Variants in EFCAB5 observed in about 807,000 individuals in gnomAD.
EFCAB5 encodes the protein EF-hand calcium-binding domain-containing protein 5.
A neutral mutation model predicts 167.9 loss-of-function variants in EFCAB5; 131 were observed. The observed-to-expected ratio is 0.78, with a 90% CI of 0.68 to 0.90. The LOEUF is 0.90. EFCAB5 is among the 40% of genes least tolerant of loss of function. EFCAB5 has a pLI of 0.00. For synonymous variants in EFCAB5, 574 were observed against 602.8 expected, an observed-to-expected ratio of 0.95 and a Z score of 0.70; for missense variants, 1,663 against 1,745.2, an observed-to-expected ratio of 0.95 and a Z score of 0.84.
intron 3 of EFCAB5, among the ~76,000 whole-genome samples, chr17:29,961,368 G>A (rs899063403): frequency 2.0e-5 from 3 of 152,040 alleles, no homozygotes; most frequent in African/African-American, 4.8e-5. Context: ...TTCCTTATCA[G>A]TTATATGCTT....
At chr17:30,019,595 G>A (rs2069126296) in intron 7 of EFCAB5, among the ~76,000 whole-genome samples, 1 of 151,904 alleles carries the variant, frequency 6.6e-6, no homozygotes, top group African/African-American at 2.4e-5. Flanking sequence ...ACAAGTGCCT[G>A]CCATCACACC....
chr17:29,947,885 G>C (rs1341305219), intron 3 of EFCAB5, among the ~76,000 whole-genome samples: 2 of 152,078 alleles, frequency 1.3e-5, no homozygotes, highest in Admixed American at 1.3e-4. Flanking sequence ...GAGTGCAGTG[G>C]CGCAATCTCA....
At chr17:30,099,240 T>C (rs190924717) in intron 22 of EFCAB5, among the ~76,000 whole-genome samples, 62 of 152,284 alleles carry the variant, frequency 4.1e-4, no homozygotes, top group Non-Finnish European at 5.9e-4. Context: ...ACTTTAAAGA[T>C]TGCTGTTGAC....
At position 29,942,316 on chromosome 17, in the gene EFCAB5, G is replaced by A; in HGVS notation, c.105+14G>A. 1 of 1,563,238 alleles carries A rather than the reference G, an allele frequency of 6.4e-7. No individual in the cohort carries two copies. The highest frequency in any genetic ancestry group is 8.7e-7 in the Non-Finnish European group (1 of 1,154,664). The stretch of plus-strand genomic sequence containing the variant: ...GAGCTTCATGAGGTAGAGTTGGCAT[G>A]AATAAATCAGATATTAATGCTGGAG... On this transcript the variant is annotated intron_variant, in intron 2 of 22. Transcript: ENST00000394835.
chr17:30,051,304 C>A, intron 9 of EFCAB5, 87 bp downstream of exon 9: 1 of 1,071,078 alleles, frequency 9.3e-7, no homozygotes, highest in Non-Finnish European at 1.4e-6. Flanking sequence ...TATGTTAACA[C>A]AAGATTATTC....
intron 4 of EFCAB5, among the ~76,000 whole-genome samples, chr17:29,985,177 C>T (rs2068255226): frequency 6.6e-6 from 1 of 152,164 alleles, no homozygotes; most frequent in Admixed American, 6.5e-5. Flanking sequence ...CACAGTTTTT[C>T]CCCCATTCTC....
chr17:29,989,726 T>C (rs2068370894), intron 4 of EFCAB5, among the ~76,000 whole-genome samples: 1 of 152,208 alleles, frequency 6.6e-6, no homozygotes, highest in South Asian at 2.1e-4. Flanking sequence ...TGGAGCTATG[T>C]GTCCTTTTTC....
At chr17:30,001,456 C>T (rs148223594) in intron 7 of EFCAB5, among the ~76,000 whole-genome samples, 22 of 152,210 alleles carry the variant, frequency 1.4e-4, no homozygotes, top group East Asian at 3.9e-4. Flanking sequence ...CCTAAAAGTA[C>T]GCAAGTTAGA....
chr17:30,093,659 G>C (rs760796446), intron 22 of EFCAB5, among the ~76,000 whole-genome samples: 3 of 152,086 alleles, frequency 2.0e-5, no homozygotes, highest in Non-Finnish European at 4.4e-5. Flanking sequence ...GACCACCAAC[G>C]CTACCCACCA....
chr17:29,934,447 A>G (rs2067228625), intron 1 of EFCAB5, among the ~76,000 whole-genome samples: 5 of 152,220 alleles, frequency 3.3e-5, no homozygotes, highest in African/African-American at 7.2e-5. Context: ...GTGTTATTAG[A>G]TCAATAATTC....
In EFCAB5 at chr17:29,969,079, G is replaced by C; in HGVS notation, c.479G>C (p.Trp160Ser). 1.2e-6 allele frequency: 2 copies of C among 1,613,156 alleles called. No homozygotes were observed. Among genetic ancestry groups the C allele is most frequent in the Non-Finnish European group, 1.7e-6 (2 of 1,179,582 alleles). ...CCTAGGGATAATTTGGCCAAAGAGTGGTTTAATACTGACAGCATGACACTG... is the reference window on the plus strand; with the variant it reads ...CCTAGGGATAATTTGGCCAAAGAGTCGTTTAATACTGACAGCATGACACTG... The part of the protein sequence containing the change: ...KLPRDNLAKE[W>S]FNTDSMTLNN... Residue 160 changes from tryptophan to serine, a missense_variant, in exon 4 of 23, where the codon TGG (tryptophan) becomes TCG (serine). Coordinates refer to ENST00000394835, the MANE Select transcript of EFCAB5 (RefSeq NM_198529.4).
intron 8 of EFCAB5, among the ~76,000 whole-genome samples, chr17:30,035,549 A>T (rs553279903): frequency 1.3e-5 from 2 of 152,242 alleles, no homozygotes; most frequent in Non-Finnish European, 2.9e-5. Context: ...TATATGGCAC[A>T]GGAGTCCTCT....
At chr17:30,104,461 A>G (rs2071420335) in intron 22 of EFCAB5, among the ~76,000 whole-genome samples, 1 of 152,330 alleles carries the variant, frequency 6.6e-6, no homozygotes, top group Non-Finnish European at 1.5e-5. Context: ...TTTCTGAACT[A>G]ATGTCCATAG....
At chr17:29,974,566 A>C (rs2068026232) in intron 4 of EFCAB5, among the ~76,000 whole-genome samples, 1 of 151,966 alleles carries the variant, frequency 6.6e-6, no homozygotes, top group Non-Finnish European at 1.5e-5. Context: ...AATATGTCTC[A>C]CTAGGTATAT....
At chr17:30,076,866 T>C (rs1322527428) in intron 14 of EFCAB5, among the ~76,000 whole-genome samples, 1 of 152,112 alleles carries the variant, frequency 6.6e-6, no homozygotes, top group Non-Finnish European at 1.5e-5. Context: ...TTGGTGAAAA[T>C]GAATGAATCA....
At chr17:30,003,145 T>G (rs1446232079) in intron 7 of EFCAB5, among the ~76,000 whole-genome samples, 1 of 151,394 alleles carries the variant, frequency 6.6e-6, no homozygotes, top group Non-Finnish European at 1.5e-5. Flanking sequence ...TAAATTCTAC[T>G]GTTCTGTGTT....
intron 7 of EFCAB5, among the ~76,000 whole-genome samples, chr17:30,009,331 C>A (rs2151675803): frequency 6.6e-6 from 1 of 152,190 alleles, no homozygotes; most frequent in Non-Finnish European, 1.5e-5. Flanking sequence ...TAAAACAATC[C>A]ATTTTAGAAC....
rs766052699 is a variant in EFCAB5 at position 29,941,735 on chromosome 17, G to C, written c.-62G>C. ...GTTTATTAATATTTTCTTTCTTTTT[G>C]TTATTAATACTGGTCTAGTAATATT... On this transcript the variant is annotated 5_prime_UTR_variant, in exon 1 of 23. Transcript: ENST00000394835. 1 of 1,408,056 alleles carries C rather than the reference G, an allele frequency of 7.1e-7. No homozygotes were observed. The highest frequency in any genetic ancestry group is 2.5e-5 in the East Asian group (1 of 40,292). The allele number at this position is 1,408,056 out of a possible 1,614,324, so 87.2% of individuals were successfully genotyped here.
intron 8 of EFCAB5, among the ~76,000 whole-genome samples, chr17:30,038,998 A>G (rs1447156575): frequency 6.6e-6 from 1 of 152,144 alleles, no homozygotes; most frequent in Non-Finnish European, 1.5e-5. Context: ...TCAGCAATGC[A>G]GAAAGAAACC....
Sources: allele counts gnomAD v4.1 joint callset (sites outside exome capture counted in the v4.1 genomes callset), GRCh38; gene constraint gnomAD v4.1.1; transcripts MANE v1.5; gene names NCBI Gene and HGNC (gene_info 2026-07-23, HGNC 2026-07-21).